ACOX3: variants seen among roughly 807,000 people sequenced by gnomAD.
ACOX3 encodes peroxisomal acyl-coenzyme A oxidase 3.
In ACOX3, 73 loss-of-function variants were observed where a neutral mutation model predicts 81.5. The observed-to-expected ratio is 0.90, with a 90% CI of 0.74 to 1.09. The LOEUF is 1.09. Ranked by LOEUF, ACOX3 falls within the 50% of genes least tolerant of loss-of-function variation. The pLI, the probability that ACOX3 is intolerant of heterozygous loss-of-function variation, is 0.00. For synonymous variants in ACOX3, 387 were observed against 375.1 expected (o/e 1.03, Z -0.37); for missense variants, 947 against 928.0 (o/e 1.02, Z -0.27).
chr4:8,412,412 A>C (rs1330261625), intron 5 of ACOX3, among the ~76,000 whole-genome samples: 1 of 139,362 alleles, frequency 7.2e-6, no homozygotes, highest in Non-Finnish European at 1.5e-5. Context: ...GGATGGATGA[A>C]AGAATGAATG....
At chr4:8,439,203 C>A (rs1039955498) in intron 1 of ACOX3, 3 of 152,150 alleles carry the variant, frequency 2.0e-5, no homozygotes, top group African/African-American at 7.2e-5. Flanking sequence ...CCCCCCATAA[C>A]CATGCTAGAA....
Position 8,410,344 on chromosome 4 carries a change from T to G in ACOX3, c.555A>C (p.Ile185=). 6.2e-7 allele frequency: 1 copy of G among 1,614,074 alleles called. No individual in the cohort carries two copies. The highest frequency in any genetic ancestry group is 8.5e-7 in the Non-Finnish European group (1 of 1,179,912). ...HYDPATEEFI[I]HSPDFEAAKF... Reference sequence around the variant, plus strand: ...TGGCAGCTTCGAAATCAGGGGAATGTATGATGAATTCCTGCACAAGGGAAA... The same window carrying G: ...TGGCAGCTTCGAAATCAGGGGAATGGATGATGAATTCCTGCACAAGGGAAA... Residue 185 remains isoleucine (I), a synonymous_variant, in exon 6 of 18, where the codon ATA becomes ATC. Transcript: ENST00000356406.
In ACOX3 at chr4:8,414,318, T is replaced by C. The variant is rs117118615; in HGVS notation, c.517A>G (p.Thr173Ala). The C allele has an allele frequency of 2.2e-5, 35 of 1,614,104 alleles. No homozygotes were observed. The East Asian group carries it at 7.4e-4, about 34-fold the overall frequency. Residue 173 changes from threonine (T) to alanine (A), a missense_variant, in exon 5 of 18, where the codon ACT becomes GCT. Thr to Ala is a moderately conservative substitution (Grantham distance 58). Coordinates refer to ENST00000356406, the MANE Select transcript of ACOX3 (RefSeq NM_003501.3). The surrounding 1 kb of genome is among the most constrained non-coding windows in gnomAD (Gnocchi z 6.1). ...TCAGTGGCAGGATCGTAGTGGGCAG[T>C]TGTGCGAATGGCCTTGGTATTACTG... The part of the protein sequence containing the change: ...HGSNTKAIRT[T>A]AHYDPATEEF...
In ACOX3 at chr4:8,368,963, A is replaced by T. The variant is rs1715814906; in HGVS notation, c.1984-1883T>A. ...CCAAAGTGCTAGGATAACAGGTGTG[A>T]GCCACCATGCTCAGCCAGGAATGCA... On this transcript the variant is annotated intron_variant, in intron 17 of 17. Transcript: ENST00000356406. The surrounding 1 kb of genome is among the most constrained non-coding windows in gnomAD (Gnocchi z 5.9). Among the ~76,000 whole-genome samples the T allele has an allele frequency of 6.6e-6, 1 of 152,162 alleles. No homozygotes were observed. The highest frequency in any genetic ancestry group is 1.5e-5 in the Non-Finnish European group (1 of 68,034).
Position 8,389,678 on chromosome 4 carries a change from C to T in ACOX3, c.1357G>A (p.Asp453Asn). 1 of 1,614,092 alleles carries T rather than the reference C, an allele frequency of 6.2e-7. No homozygotes were observed. The highest frequency in any genetic ancestry group is 8.5e-7 in the Non-Finnish European group (1 of 1,180,004). ...GTCTGCTGCAGCAGGATGTTGTTGT[C>T]ACCTTCGTATGTGCAGTTGGGATCG... ...DNDPNCTYEGDNNILLQQTSN... is the reference protein window; with the variant it reads ...DNDPNCTYEGNNNILLQQTSN... Residue 453 changes from aspartate (D) to asparagine (N), a missense_variant, in exon 12 of 18, where the codon GAC becomes AAC. By Grantham distance (23) the Asp-to-Asn change is conservative. Transcript: ENST00000356406. The surrounding 1 kb of genome is among the most constrained non-coding windows in gnomAD (Gnocchi z 5.3).
At position 8,410,267 on chromosome 4, in the gene ACOX3, G is replaced by A; in HGVS notation, c.632C>T (p.Ala211Val). The A allele has an allele frequency of 2.5e-6, 4 of 1,614,118 alleles. No individual in the cohort carries two copies. The highest frequency in any genetic ancestry group is 3.4e-6 in the Non-Finnish European group (4 of 1,179,972). ...CTGGTCCCCTGGCACACACAGCTTA[G>A]CAAACACCACCGCGTGAGTGGCTGT... The part of the protein sequence containing the change: ...GKTATHAVVF[A>V]KLCVPGDQCH... The change falls in exon 6 of 18, where the codon GCT (alanine) becomes GTT (valine). Residue 211 changes from alanine to valine, a missense_variant. Transcript: ENST00000356406.
In ACOX3 at chr4:8,430,789, G is replaced by T. The variant is rs903442521; in HGVS notation, c.-15+9859C>A. On this transcript the variant is annotated intron_variant, in intron 1 of 17. Transcript: ENST00000356406. This position sits in a 1 kb window ranked among gnomAD's most constrained non-coding sequence, Gnocchi z 5.2. ...GAGAATCGCCTGAACGCAGGAGGTA[G>T]AGGTTGCAGTGAGCCAAGGTAGCAC... 1.3e-5 allele frequency among the ~76,000 whole-genome samples: 2 copies of T among 152,216 alleles called. No individual in the cohort carries two copies. Among genetic ancestry groups the T allele is most frequent in the Non-Finnish European group, 2.9e-5 (2 of 68,038 alleles).
chr4:8,407,072 T>C lies in ACOX3; in HGVS notation c.688-1029A>G, dbSNP rs1721068976. 6.6e-6 allele frequency among the ~76,000 whole-genome samples: 1 copy of C among 152,192 alleles called. No homozygotes were observed. The highest frequency in any genetic ancestry group is 2.1e-4 in the South Asian group (1 of 4,828). On this transcript the variant is annotated intron_variant, in intron 6 of 17. Transcript: ENST00000356406. The surrounding 1 kb of genome is among the most constrained non-coding windows in gnomAD (Gnocchi z 4.6). ...GCTTGGCAACGGGCGTCTTCCCAGA[T>C]GCTGGCATCACTGCTAGACCAAGGA...
At chr4:8,380,138 T>C (rs915623801) in intron 14 of ACOX3, among the ~76,000 whole-genome samples, 1 of 151,708 alleles carries the variant, frequency 6.6e-6, no homozygotes, top group Non-Finnish European at 1.5e-5. Context: ...TTACAGACCC[T>C]GGCCACCTGC....
In ACOX3 at chr4:8,381,022, C is replaced by T. The variant is rs1717581852; in HGVS notation, c.1653+470G>A. Reference sequence around the variant, plus strand: ...CCTGGAACATGAGAGACAGCCCTGTCCAAGTGTGAGAACCAAAGCGCTTTC... The same window carrying T: ...CCTGGAACATGAGAGACAGCCCTGTTCAAGTGTGAGAACCAAAGCGCTTTC... On this transcript the variant is annotated intron_variant, in intron 14 of 17. Coordinates refer to ENST00000356406, the MANE Select transcript of ACOX3 (RefSeq NM_003501.3). The surrounding 1 kb of genome is among the most constrained non-coding windows in gnomAD (Gnocchi z 4.3). Among the ~76,000 whole-genome samples, 1 of 152,172 alleles carries T rather than the reference C, an allele frequency of 6.6e-6. No individual in the cohort carries two copies. The highest frequency in any genetic ancestry group is 2.4e-5 in the African/African-American group (1 of 41,438).
downstream of ACOX3, chr4:8,366,180 C>A: frequency 6.6e-6 from 1 of 152,422 alleles, no homozygotes. Context: ...ACTGATGGCC[C>A]CGGTCTGCTG....
chr4:8,434,532 T>C (rs1724120154), intron 1 of ACOX3, among the ~76,000 whole-genome samples: 1 of 152,230 alleles, frequency 6.6e-6, no homozygotes, highest in African/African-American at 2.4e-5. Context: ...GGGTAGGCAT[T>C]TGCCCCCGTG....
At chr4:8,367,940 C>T (rs1043296799) in intron 17 of ACOX3, among the ~76,000 whole-genome samples, 3 of 149,740 alleles carry the variant, frequency 2.0e-5, no homozygotes, top group Admixed American at 6.7e-5. Context: ...TGCAGTGGGC[C>T]GAGATTATGC....
intron 14 of ACOX3, among the ~76,000 whole-genome samples, chr4:8,379,092 C>T (rs1717327118): frequency 1.3e-5 from 2 of 152,232 alleles, no homozygotes; most frequent in South Asian, 4.1e-4. Context: ...ACGTGGGCTT[C>T]CACAGGCTGC....
chr4:8,381,467 G>C lies in ACOX3; in HGVS notation c.1653+25C>G. On this transcript the variant is annotated intron_variant, in intron 14 of 17. Transcript: ENST00000356406. The surrounding 1 kb of genome is among the most constrained non-coding windows in gnomAD (Gnocchi z 4.3). ...GGAATTAAGAGCAAATAATACAAAAGGGAATTTTGAAAACAAATACTTACC... is the reference window on the plus strand; with the variant it reads ...GGAATTAAGAGCAAATAATACAAAACGGAATTTTGAAAACAAATACTTACC... 3 of 1,595,446 alleles carry C rather than the reference G, an allele frequency of 1.9e-6. No individual in the cohort carries two copies. Among genetic ancestry groups the C allele is most frequent in the Non-Finnish European group, 2.6e-6 (3 of 1,163,984 alleles).
the ACOX3 span, among the ~76,000 whole-genome samples, chr4:8,360,469 T>C: frequency 2.6e-5 from 3 of 114,282 alleles, no homozygotes; most frequent in Non-Finnish European, 5.1e-5. Context: ...ACTGCTTCTT[T>C]GACTTTTTTT....
Position 8,389,567 on chromosome 4 carries a change from C to T in ACOX3, c.1423+45G>A, listed in dbSNP as rs1417549543. 15 of 1,611,732 alleles carry T rather than the reference C, an allele frequency of 9.3e-6. No individual in the cohort carries two copies. The highest frequency in any genetic ancestry group is 1.2e-5 in the Non-Finnish European group (14 of 1,179,440). On this transcript the variant is annotated intron_variant, in intron 12 of 17. Coordinates refer to ENST00000356406, the MANE Select transcript of ACOX3 (RefSeq NM_003501.3). This position sits in a 1 kb window ranked among gnomAD's most constrained non-coding sequence, Gnocchi z 5.3. ...GAGGCCAGGAGAACCCACCCCTGCC[C>T]CAGTTGGGTTCCAGCGCCCCCACCA...
chr4:8,356,702 C>T, the ACOX3 span: 1 of 455,244 alleles, frequency 2.2e-6, no homozygotes, highest in South Asian at 1.6e-5. Context: ...GTATGCAGAA[C>T]TGTGCACGCT....
intron 7 of ACOX3, among the ~76,000 whole-genome samples, chr4:8,404,854 C>A (rs951174757): frequency 1.3e-5 from 2 of 152,176 alleles, no homozygotes; most frequent in African/African-American, 4.8e-5. Context: ...CATGGTCATA[C>A]CTTGTCCCAC....
Sources: allele counts gnomAD v4.1 joint callset (sites outside exome capture counted in the v4.1 genomes callset), GRCh38; gene constraint gnomAD v4.1.1; non-coding constraint Gnocchi (gnomAD v3.1); transcripts MANE v1.5; gene names NCBI Gene and HGNC (gene_info 2026-07-23, HGNC 2026-07-21).